CELF2: variants seen among roughly 807,000 people sequenced by gnomAD.
The protein encoded by CELF2 is CUG triplet repeat RNA-binding protein 2.
Under a neutral mutation model 62.6 loss-of-function variants are expected in CELF2, and 8 were observed. The ratio of observed to expected loss-of-function variants is 0.13; its 90% CI spans 0.07 to 0.23. The LOEUF is 0.23. Among genes scored for constraint, CELF2 ranks in the 10% least tolerant of loss-of-function variants. The pLI, the probability that CELF2 is intolerant of heterozygous loss-of-function variation, is 1.00. For synonymous variants in CELF2, 258 were observed against 250.0 expected, an observed-to-expected ratio of 1.03 and a Z score of -0.30; for missense variants, 333 against 671.0, an observed-to-expected ratio of 0.50 and a Z score of 5.56.
intron 5 of CELF2, among the ~76,000 whole-genome samples, chr10:11,258,082 C>G (rs978557298): frequency 6.6e-6 from 1 of 152,214 alleles, no homozygotes; most frequent in Non-Finnish European, 1.5e-5. Context: ...ACCATATTAG[C>G]TCAAGTTATC....
intron 1 of CELF2, among the ~76,000 whole-genome samples, chr10:10,815,384 GTGTT>G (rs10548503): frequency 0.14 from 20,933 of 152,142 alleles, 1,594 homozygotes; most frequent in Non-Finnish European, 0.19. Flanking sequence ...AAAGAGGGGA[GTGTT>G]TGTTTGAGAA....
intron 2 of CELF2, among the ~76,000 whole-genome samples, chr10:11,192,246 G>A (rs187974306): frequency 9.8e-5 from 15 of 152,354 alleles, no homozygotes; most frequent in Non-Finnish European, 1.3e-4. Context: ...TCGGCCTCCC[G>A]AGTGAGCATC....
intron 2 of CELF2, among the ~76,000 whole-genome samples, chr10:10,926,802 C>T (rs1251519549): frequency 6.6e-6 from 1 of 152,204 alleles, no homozygotes; most frequent in Non-Finnish European, 1.5e-5. Flanking sequence ...ATTGTAAGTA[C>T]TTAAAGAATG....
At chr10:10,820,293 T>C (rs553895436) in intron 1 of CELF2, among the ~76,000 whole-genome samples, 1 of 152,200 alleles carries the variant, frequency 6.6e-6, no homozygotes, top group African/African-American at 2.4e-5. Context: ...GGGTATCCTG[T>C]AGAAATCATT....
chr10:10,561,852 A>T, the CELF2 span, among the ~76,000 whole-genome samples: 1 of 152,292 alleles, frequency 6.6e-6, no homozygotes, highest in East Asian at 1.9e-4. Flanking sequence ...GACAGAGAAC[A>T]AGGGGTGAAA....
intron 3 of CELF2, among the ~76,000 whole-genome samples, chr10:11,228,739 A>C (rs1360321415): frequency 6.7e-6 from 1 of 148,948 alleles, no homozygotes. Context: ...AAAAAAAAAA[A>C]AAAAAACTTG....
chr10:11,103,209 G>T (rs1745122125), intron 1 of CELF2, among the ~76,000 whole-genome samples: 1 of 152,014 alleles, frequency 6.6e-6, no homozygotes, highest in African/African-American at 2.4e-5. Context: ...TCCACGCTTT[G>T]CCAGAGCCAA....
At chr10:11,254,985 C>T (rs574578576) in intron 4 of CELF2, among the ~76,000 whole-genome samples, 1 of 152,204 alleles carries the variant, frequency 6.6e-6, no homozygotes, top group Non-Finnish European at 1.5e-5. Context: ...CCTCCCCCAC[C>T]AGAATCCTCC....
At chr10:11,233,272 G>T (rs115966335) in intron 3 of CELF2, among the ~76,000 whole-genome samples, 2 of 152,174 alleles carry the variant, frequency 1.3e-5, no homozygotes, top group South Asian at 2.1e-4. Context: ...TTTCACACAC[G>T]CAGGAGAAAC....
the CELF2 span, among the ~76,000 whole-genome samples, chr10:10,780,392 A>G: frequency 1.3e-5 from 2 of 152,214 alleles, no homozygotes; most frequent in South Asian, 4.1e-4. Context: ...TTAGCAGTAT[A>G]TCCTGGTAAA....
At chr10:10,813,738 G>A (rs1054618398) in intron 1 of CELF2, among the ~76,000 whole-genome samples, 3 of 152,206 alleles carry the variant, frequency 2.0e-5, no homozygotes, top group Non-Finnish European at 4.4e-5. Flanking sequence ...CCAAATGGCT[G>A]TATTCCAATA....
intron 1 of CELF2, among the ~76,000 whole-genome samples, chr10:10,843,107 C>T (rs930020420): frequency 6.6e-6 from 1 of 151,748 alleles, no homozygotes; most frequent in Non-Finnish European, 1.5e-5. Context: ...CTTTATTATC[C>T]CTTCAACGTC....
At chr10:11,108,530 A>T (rs2054273058) in intron 1 of CELF2, among the ~76,000 whole-genome samples, 1 of 152,094 alleles carries the variant, frequency 6.6e-6, no homozygotes, top group Non-Finnish European at 1.5e-5. Flanking sequence ...TACTTCCCAT[A>T]GTGCTGCAGT....
intron 2 of CELF2, among the ~76,000 whole-genome samples, chr10:11,170,907 T>C (rs1173469806): frequency 1.3e-5 from 2 of 152,208 alleles, no homozygotes; most frequent in South Asian, 2.1e-4. Flanking sequence ...TAAACTTAAA[T>C]GGTTAGGTAC....
intron 3 of CELF2, among the ~76,000 whole-genome samples, chr10:11,245,327 G>T (rs560982667): frequency 6.6e-6 from 1 of 152,266 alleles, no homozygotes; most frequent in East Asian, 1.9e-4. Flanking sequence ...TTTACATCTT[G>T]TATGTGATCA....
At chr10:11,007,030 T>C (rs1013990453) in intron 1 of CELF2, among the ~76,000 whole-genome samples, 1 of 152,270 alleles carries the variant, frequency 6.6e-6, no homozygotes, top group African/African-American at 2.4e-5. Context: ...ATAATTGATT[T>C]ACATGAAAAT....
At chr10:10,651,931 G>A in the CELF2 span, among the ~76,000 whole-genome samples, 27 of 150,414 alleles carry the variant, frequency 1.8e-4, no homozygotes, top group South Asian at 2.2e-3. Flanking sequence ...TCTGAGCTAC[G>A]GGAGGACATT....
intron 1 of CELF2, among the ~76,000 whole-genome samples, chr10:11,049,527 C>T (rs1190300808): frequency 7.2e-6 from 1 of 138,492 alleles, no homozygotes; most frequent in Admixed American, 7.8e-5. Context: ...CCTTTTTCTC[C>T]CAACTTATTT....
the CELF2 span, among the ~76,000 whole-genome samples, chr10:10,650,065 C>A: frequency 3.9e-5 from 6 of 152,296 alleles, no homozygotes; most frequent in East Asian, 9.6e-4. Flanking sequence ...CATCAGGAAA[C>A]GTTCAGACTA....
Sources: gnomAD v4.1 joint callset for allele counts (sites outside exome capture counted in the v4.1 genomes callset) on GRCh38, gnomAD v4.1.1 for gene constraint, MANE v1.5 for transcripts, NCBI Gene and HGNC (gene_info 2026-07-23, HGNC 2026-07-21) for gene names.